The following VAV3 variants were observed in gnomAD, a reference collection of about 807,000 sequenced individuals.
The protein encoded by VAV3 is vav guanine nucleotide exchange factor 3.
In VAV3, 94 loss-of-function variants were observed where a neutral mutation model predicts 131.2. The observed-to-expected ratio is 0.72, with a 90% CI of 0.61 to 0.85. The LOEUF is 0.85. Ranked by LOEUF, VAV3 falls within the 40% of genes least tolerant of loss-of-function variation. The probability of loss-of-function intolerance (pLI) is 0.00; values close to 1 mark genes in which losing one functional copy is unlikely to be tolerated. For missense variants in VAV3, 939 were observed against 1,002.7 expected, an observed-to-expected ratio of 0.94 and a Z score of 0.86; for synonymous variants, 349 against 342.0, an observed-to-expected ratio of 1.02 and a Z score of -0.22.
At chr1:107,817,301 T>A (rs748417556) in intron 2 of VAV3, among the ~76,000 whole-genome samples, 3 of 151,984 alleles carry the variant, frequency 2.0e-5, no homozygotes, top group Non-Finnish European at 2.9e-5. Flanking sequence ...AGGATTTCCA[T>A]TATCAGAGAA....
chr1:107,944,752 C>G (rs345287), intron 1 of VAV3, among the ~76,000 whole-genome samples: 147,586 of 152,160 alleles, frequency 0.97, 71,733 homozygotes, highest in East Asian at 1. Flanking sequence ...CTATTGGCGT[C>G]CACTACCACA....
chr1:107,580,204 T>C (rs1346748477), intron 25 of VAV3, among the ~76,000 whole-genome samples: 1 of 152,244 alleles, frequency 6.6e-6, no homozygotes, highest in Non-Finnish European at 1.5e-5. Context: ...AGCTGCTGAA[T>C]GGACAAGTAT....
At chr1:107,920,622 C>G (rs1232722027) in intron 1 of VAV3, among the ~76,000 whole-genome samples, 1 of 152,192 alleles carries the variant, frequency 6.6e-6, no homozygotes, top group African/African-American at 2.4e-5. Flanking sequence ...AGCTCCCCAC[C>G]TATTCCTTAT....
chr1:107,825,250 G>C (rs1008463384), intron 2 of VAV3, among the ~76,000 whole-genome samples: 1 of 152,158 alleles, frequency 6.6e-6, no homozygotes, highest in Non-Finnish European at 1.5e-5. Flanking sequence ...ATACAGATAG[G>C]TTGGTCTAAA....
chr1:107,663,080 G>C (rs985137523), intron 19 of VAV3, among the ~76,000 whole-genome samples: 1 of 152,104 alleles, frequency 6.6e-6, no homozygotes, highest in African/African-American at 2.4e-5. Context: ...CCACATTCTT[G>C]TATAAACCAA....
intron 2 of VAV3, among the ~76,000 whole-genome samples, chr1:107,871,541 T>C (rs1293257972): frequency 6.6e-6 from 1 of 152,082 alleles, no homozygotes. Flanking sequence ...CAAACTGTTC[T>C]AATTTTTGTT....
intron 22 of VAV3, among the ~76,000 whole-genome samples, chr1:107,606,963 T>A (rs1217902142): frequency 6.6e-6 from 1 of 150,606 alleles, no homozygotes; most frequent in Non-Finnish European, 1.5e-5. Flanking sequence ...CTGATCTTTT[T>A]TTTTTTTTTA....
chr1:107,697,448 AG>A (rs1659817632), intron 17 of VAV3, among the ~76,000 whole-genome samples: 1 of 152,226 alleles, frequency 6.6e-6, no homozygotes, highest in African/African-American at 2.4e-5. Flanking sequence ...TATGCAAAAC[AG>A]GGAAAAGAAT....
chr1:107,728,825 T>C (rs938667498), intron 15 of VAV3, among the ~76,000 whole-genome samples: 5 of 152,144 alleles, frequency 3.3e-5, no homozygotes, highest in East Asian at 3.9e-4. Context: ...GGCGCAACTA[T>C]AGAATTATAA....
chr1:107,708,234 TC>T (rs775702619), intron 15 of VAV3, among the ~76,000 whole-genome samples: 2 of 152,202 alleles, frequency 1.3e-5, no homozygotes, highest in Non-Finnish European at 2.9e-5. Context: ...CATAGAGATT[TC>T]CTTTATAGTA....
intron 2 of VAV3, among the ~76,000 whole-genome samples, chr1:107,825,845 A>G (rs1667987314): frequency 6.6e-6 from 1 of 152,196 alleles, no homozygotes; most frequent in South Asian, 2.1e-4. Flanking sequence ...TCAGGTTATT[A>G]TGTCTGACAC....
chr1:107,771,582 T>C (rs1665050674), intron 5 of VAV3, among the ~76,000 whole-genome samples: 2 of 152,212 alleles, frequency 1.3e-5, no homozygotes, highest in African/African-American at 4.8e-5. Context: ...TGTGAATGAA[T>C]CACTAAATTT....
chr1:107,708,536 A>G (rs1331861830), intron 15 of VAV3, among the ~76,000 whole-genome samples: 1 of 152,172 alleles, frequency 6.6e-6, no homozygotes, highest in African/African-American at 2.4e-5. Context: ...TTAGGGCTTC[A>G]TATAGCTTTA....
intron 2 of VAV3, among the ~76,000 whole-genome samples, chr1:107,836,175 T>C (rs1185646010): frequency 1.3e-5 from 2 of 152,072 alleles, no homozygotes; most frequent in African/African-American, 2.4e-5. Context: ...ACTTGACAAA[T>C]TGGACCTAAT....
At chr1:107,767,357 T>C (rs750768812) in intron 7 of VAV3, among the ~76,000 whole-genome samples, 21 of 152,198 alleles carry the variant, frequency 1.4e-4, no homozygotes, top group Non-Finnish European at 2.6e-4. Context: ...CCTGTGTACC[T>C]TGGAGCACAC....
chr1:107,663,736 G>A (rs141877561), intron 19 of VAV3, among the ~76,000 whole-genome samples: 46 of 152,288 alleles, frequency 3.0e-4, no homozygotes, highest in African/African-American at 9.9e-4. Context: ...TCAGCAAATA[G>A]TGTCATAGTA....
At chr1:107,667,378 T>A (rs1030849879) in intron 19 of VAV3, among the ~76,000 whole-genome samples, 6 of 152,184 alleles carry the variant, frequency 3.9e-5, no homozygotes, top group African/African-American at 1.4e-4. Flanking sequence ...ACAAAACTAA[T>A]TTTTTAACCA....
rs578107131 is a variant in VAV3, at chr1:107,688,517, G to C, written c.1706-111C>G. On this transcript the variant is annotated intron_variant, in intron 17 of 26. Coordinates refer to ENST00000370056, the MANE Select transcript of VAV3 (RefSeq NM_006113.5). Reference sequence around the variant, plus strand: ...ACACCACTGCTTTGTTTTCTTAACTGATACCTGTAATATATTTCCACGGTC... The same window carrying C: ...ACACCACTGCTTTGTTTTCTTAACTCATACCTGTAATATATTTCCACGGTC... The C allele has an allele frequency of 7.0e-6, 11 of 1,568,040 alleles. No individual in the cohort carries two copies. The Admixed American group carries it at 1.1e-4, about 16-fold the overall frequency.
In VAV3 at chr1:107,862,075, CA is replaced by C. The variant is rs2100986590; in HGVS notation, c.321+12825del. On this transcript the variant is annotated intron_variant, in intron 2 of 26. Coordinates refer to ENST00000370056, the MANE Select transcript of VAV3 (RefSeq NM_006113.5). ...CATGTCCAAAGAGCATTATAATTGGCATTGAGGCAAACCAGAGAAAGGCCCA... is the reference window on the plus strand; with the variant it reads ...CATGTCCAAAGAGCATTATAATTGGCTTGAGGCAAACCAGAGAAAGGCCCA... Among the ~76,000 whole-genome samples the C allele has an allele frequency of 1.3e-5, 2 of 151,736 alleles. 1 individual carries two copies. Among genetic ancestry groups the C allele is most frequent in the South Asian group, 4.2e-4 (2 of 4,764 alleles).
Sources: allele counts gnomAD v4.1 joint callset (sites outside exome capture counted in the v4.1 genomes callset), GRCh38; gene constraint gnomAD v4.1.1; transcripts MANE v1.5; gene names NCBI Gene and HGNC (gene_info 2026-07-23, HGNC 2026-07-21).